The following FAM193A variants were observed in gnomAD, a reference collection of about 807,000 sequenced individuals.
FAM193A encodes the protein protein FAM193A.
Under a neutral mutation model 126.5 loss-of-function variants are expected in FAM193A, and 22 were observed. The ratio of observed to expected loss-of-function variants is 0.17; its 90% CI spans 0.12 to 0.25. The LOEUF is 0.25. Ranked by LOEUF, FAM193A falls within the 10% of genes least tolerant of loss-of-function variation. The probability of loss-of-function intolerance (pLI) is 1.00; values close to 1 mark genes in which losing one functional copy is unlikely to be tolerated. For missense variants in FAM193A, 1,675 were observed against 1,672.8 expected (o/e 1.00, Z -0.02); for synonymous variants, 761 against 646.8 (o/e 1.18, Z -2.68).
chr4:2,537,512 G>A (rs920365769), intron 1 of FAM193A, among the ~76,000 whole-genome samples: 1 of 152,238 alleles, frequency 6.6e-6, no homozygotes, highest in African/African-American at 2.4e-5. Flanking sequence ...GCAGCTCCGC[G>A]CACGGCGCTT....
At chr4:2,585,353 G>A (rs998420445) in intron 1 of FAM193A, among the ~76,000 whole-genome samples, 1 of 152,180 alleles carries the variant, frequency 6.6e-6, no homozygotes, top group East Asian at 1.9e-4. Context: ...GTGCTTGAGA[G>A]TTCCCATTGT....
rs16843181 is a variant in FAM193A at position 2,643,719 on chromosome 4, C to A, written c.1164-2966C>A. ...TGCTTTGGTCTGGATCCTGCGTGGG[C>A]GTGTTCACAGAGCAGTTTGGCCACC... On this transcript the variant is annotated intron_variant, in intron 6 of 20. Coordinates refer to ENST00000637812, the MANE Select transcript of FAM193A (RefSeq NM_001366318.2). Among the ~76,000 whole-genome samples the A allele has an allele frequency of 2.6e-5, 4 of 152,234 alleles. No individual in the cohort carries two copies. In the South Asian group the frequency reaches 8.3e-4, roughly 32 times the overall value.
chr4:2,585,611 T>A (rs1284503625), intron 1 of FAM193A, among the ~76,000 whole-genome samples: 1 of 152,238 alleles, frequency 6.6e-6, no homozygotes, highest in Admixed American at 6.5e-5. Context: ...TTTCATTTTC[T>A]TAATGTTTAT....
chr4:2,719,500 C>T (rs758126132), intron 20 of FAM193A, among the ~76,000 whole-genome samples: 3 of 152,140 alleles, frequency 2.0e-5, no homozygotes, highest in African/African-American at 7.2e-5. Flanking sequence ...AATCCCAGAA[C>T]TTTGGGAGGC....
chr4:2,540,689 G>T (rs192883198), intron 1 of FAM193A, among the ~76,000 whole-genome samples: 1 of 151,628 alleles, frequency 6.6e-6, no homozygotes, highest in African/African-American at 2.4e-5. Context: ...GGCCGAGTGC[G>T]GTGGCTCACA....
At chr4:2,642,732 CTTTTT>C (rs1209422669) in intron 6 of FAM193A, among the ~76,000 whole-genome samples, 1 of 135,460 alleles carries the variant, frequency 7.4e-6, no homozygotes, top group Non-Finnish European at 1.6e-5. Context: ...AAACTCCCAT[CTTTTT>C]TTTTTTTTTT....
chr4:2,584,956 A>G (rs1740153666), intron 1 of FAM193A, among the ~76,000 whole-genome samples: 1 of 152,116 alleles, frequency 6.6e-6, no homozygotes, highest in Admixed American at 6.6e-5. Context: ...ACCAAAACTA[A>G]ACATCCCAAC....
chr4:2,545,906 T>C (rs896362105), intron 1 of FAM193A, among the ~76,000 whole-genome samples: 9 of 152,066 alleles, frequency 5.9e-5, no homozygotes, highest in African/African-American at 2.2e-4. Flanking sequence ...TCCCAGCACT[T>C]TGGGAGGCTG....
At chr4:2,721,869 C>G (rs1022302528) in intron 20 of FAM193A, among the ~76,000 whole-genome samples, 3 of 152,212 alleles carry the variant, frequency 2.0e-5, no homozygotes, top group African/African-American at 4.8e-5. Flanking sequence ...TCTGTCTGTT[C>G]ACTGCCATGT....
At chr4:2,538,321 C>T (rs189472247) in intron 1 of FAM193A, among the ~76,000 whole-genome samples, 3 of 152,076 alleles carry the variant, frequency 2.0e-5, no homozygotes, top group East Asian at 1.9e-4. Flanking sequence ...CCTGCCTCAG[C>T]CTCTCGAGTA....
intron 20 of FAM193A, among the ~76,000 whole-genome samples, chr4:2,723,240 C>T (rs1169826002): frequency 2.6e-5 from 4 of 152,046 alleles, no homozygotes; most frequent in Non-Finnish European, 5.9e-5. Flanking sequence ...CGCCACTGCA[C>T]TCCAGCCTGG....
Position 2,699,866 on chromosome 4 carries a change from C to A in FAM193A, c.3694C>A (p.Pro1232Thr). The change falls in exon 19 of 21, where the codon CCA (proline) becomes ACA (threonine). Residue 1232 changes from proline (P) to threonine (T), a missense_variant. Physicochemically the swap from Pro to Thr is conservative, Grantham distance 38 (BLOSUM62 -1). Transcript: ENST00000637812. ...TGTAAAAAAGAAGAAGAAGGAGAGG[C>A]CAAGTAAAGACTGCCCCAAGTTGGA... ...RAVKKKKKER[P>T]SKDCPKLDML... is the part of the protein sequence containing the mutation. 3.1e-6 allele frequency: 5 copies of A among 1,613,920 alleles called. No homozygotes were observed. The highest frequency in any genetic ancestry group is 3.4e-6 in the Non-Finnish European group (4 of 1,179,928).
chr4:2,553,062 G>C (rs1413109979), intron 1 of FAM193A, among the ~76,000 whole-genome samples: 1 of 151,972 alleles, frequency 6.6e-6, no homozygotes, highest in Non-Finnish European at 1.5e-5. Context: ...TGGTCAGGCT[G>C]TTGTCAAACT....
chr4:2,579,919 C>T (rs1005298815), intron 1 of FAM193A, among the ~76,000 whole-genome samples: 1 of 152,128 alleles, frequency 6.6e-6, no homozygotes, highest in Non-Finnish European at 1.5e-5. Context: ...CCAGTAATCC[C>T]ATTACTGGGT....
chr4:2,713,386 T>G (rs917008757), intron 19 of FAM193A, among the ~76,000 whole-genome samples: 2 of 152,112 alleles, frequency 1.3e-5, no homozygotes, highest in African/African-American at 4.8e-5. Context: ...AGCCTGGCAA[T>G]AGAGCGAGAC....
intron 12 of FAM193A, among the ~76,000 whole-genome samples, chr4:2,670,587 G>T (rs1404929838): frequency 6.6e-6 from 1 of 151,982 alleles, no homozygotes; most frequent in Non-Finnish European, 1.5e-5. Flanking sequence ...AGCCCCCCAA[G>T]TACTTGGGAC....
At chr4:2,535,825 C>T (rs1422206505), upstream of FAM193A, among the ~76,000 whole-genome samples, 1 of 152,138 alleles carries the variant, frequency 6.6e-6, no homozygotes, top group Non-Finnish European at 1.5e-5. Flanking sequence ...AGGGAGAGGG[C>T]GGGCTCGGGA....
chr4:2,571,767 C>T (rs190837743), intron 1 of FAM193A, among the ~76,000 whole-genome samples: 2,950 of 151,708 alleles, frequency 0.019, 45 homozygotes, highest in Non-Finnish European at 0.032. Flanking sequence ...GTTGAACTCC[C>T]GACCTCAGGT....
intron 1 of FAM193A, among the ~76,000 whole-genome samples, chr4:2,573,160 C>T (rs1739390138): frequency 6.6e-6 from 1 of 152,040 alleles, no homozygotes; most frequent in African/African-American, 2.4e-5. Context: ...TCTCCCTCTC[C>T]TGAATGTGCT....
Sources: gnomAD v4.1 joint callset for allele counts (sites outside exome capture counted in the v4.1 genomes callset) on GRCh38, gnomAD v4.1.1 for gene constraint, MANE v1.5 for transcripts, NCBI Gene and HGNC (gene_info 2026-07-23, HGNC 2026-07-21) for gene names.